KLF12: variants seen among roughly 807,000 people sequenced by gnomAD.
KLF12 encodes the protein KLF transcription factor 12, also known as Krueppel-like factor 12.
In KLF12, 9 loss-of-function variants were observed where a neutral mutation model predicts 37.8. That is an observed-to-expected ratio of 0.24 (90% confidence interval 0.14 to 0.42). The LOEUF (loss-of-function observed/expected upper bound fraction) is 0.42. KLF12 is among the 10% of genes least tolerant of loss of function. The probability of loss-of-function intolerance (pLI) is 1.00; values close to 1 mark genes in which losing one functional copy is unlikely to be tolerated. For missense variants in KLF12, 411 were observed against 516.0 expected (o/e 0.80, Z 1.97); for synonymous variants, 208 against 202.1 (o/e 1.03, Z -0.25).
At chr13:74,221,233 C>A in the KLF12 span, among the ~76,000 whole-genome samples, 1 of 152,170 alleles carries the variant, frequency 6.6e-6, no homozygotes, top group East Asian at 1.9e-4. Context: ...GTCTCGATCT[C>A]CTGACCTCGT....
At chr13:74,001,425 C>A (rs998313667) in intron 1 of KLF12, among the ~76,000 whole-genome samples, 13 of 152,178 alleles carry the variant, frequency 8.5e-5, no homozygotes, top group Admixed American at 5.9e-4. Flanking sequence ...CTAAGAATTT[C>A]TCTACTACTT....
At chr13:74,011,758 T>G (rs2138369331) in intron 1 of KLF12, among the ~76,000 whole-genome samples, 1 of 152,344 alleles carries the variant, frequency 6.6e-6, no homozygotes, top group East Asian at 1.9e-4. Context: ...TATGCCATTT[T>G]ATATCAGGGA....
At chr13:74,225,825 A>G in the KLF12 span, among the ~76,000 whole-genome samples, 1 of 152,202 alleles carries the variant, frequency 6.6e-6, no homozygotes, top group Non-Finnish European at 1.5e-5. Flanking sequence ...GTCTTGAAGG[A>G]TGAAAAGATG....
In KLF12 at chr13:73,942,955, T is replaced by C. The variant is rs148972408; in HGVS notation, c.123+1026A>G. 1.3e-3 allele frequency among the ~76,000 whole-genome samples: 201 copies of C among 152,332 alleles called. 2 individuals are homozygous for C. The highest frequency in any genetic ancestry group is 4.7e-3 in the African/African-American group (195 of 41,582). On this transcript the variant is annotated intron_variant, in intron 3 of 7. Transcript: ENST00000377669. ...TGAAGAGACCCTCTAAATACTACCA[T>C]CTGGATCCATAACCTTGAATGTTCT...
intron 3 of KLF12, among the ~76,000 whole-genome samples, chr13:73,849,101 T>A (rs1349891214): frequency 6.6e-6 from 1 of 152,042 alleles, no homozygotes; most frequent in Non-Finnish European, 1.5e-5. Flanking sequence ...ACTGCAAAAA[T>A]ATGGTCTCAA....
intron 3 of KLF12, among the ~76,000 whole-genome samples, chr13:73,926,368 A>T (rs986987183): frequency 1.3e-5 from 2 of 152,192 alleles, no homozygotes; most frequent in Admixed American, 1.3e-4. Flanking sequence ...AGTCCAGATG[A>T]TCGTTAGCAT....
intron 7 of KLF12, among the ~76,000 whole-genome samples, chr13:73,712,125 G>A (rs1875443594): frequency 1.3e-5 from 2 of 152,076 alleles, no homozygotes; most frequent in South Asian, 2.1e-4. Context: ...GATCACCTGA[G>A]GTCGGGAGTT....
chr13:74,057,548 T>C (rs1348659721), intron 1 of KLF12, among the ~76,000 whole-genome samples: 3 of 152,152 alleles, frequency 2.0e-5, no homozygotes, highest in Non-Finnish European at 2.9e-5. Context: ...AAAAGACAAT[T>C]TTGACCATAT....
chr13:74,031,548 G>T (rs529327502), intron 1 of KLF12, among the ~76,000 whole-genome samples: 5 of 152,046 alleles, frequency 3.3e-5, no homozygotes, highest in African/African-American at 1.2e-4. Context: ...ATTTTAAAAA[G>T]ATGTGATTTA....
chr13:73,957,932 G>A (rs1219733551), intron 2 of KLF12, among the ~76,000 whole-genome samples: 3 of 152,156 alleles, frequency 2.0e-5, no homozygotes, highest in South Asian at 2.1e-4. Context: ...CTAGAAGATC[G>A]TACTGTTGAT....
chr13:74,129,933 C>T (rs1878169921), intron 1 of KLF12, among the ~76,000 whole-genome samples: 1 of 152,218 alleles, frequency 6.6e-6, no homozygotes, highest in African/African-American at 2.4e-5. Flanking sequence ...CAATAGCTGA[C>T]ATCAGATGGG....
intron 4 of KLF12, among the ~76,000 whole-genome samples, chr13:73,816,166 T>G (rs1883204168): frequency 6.6e-6 from 1 of 152,214 alleles, no homozygotes; most frequent in Non-Finnish European, 1.5e-5. Context: ...ACTTGCATAA[T>G]TCCACTCTAT....
chr13:74,105,232 T>C (rs1273107666), intron 1 of KLF12, among the ~76,000 whole-genome samples: 6 of 152,220 alleles, frequency 3.9e-5, no homozygotes, highest in African/African-American at 1.2e-4. Context: ...AAAGGAAATA[T>C]TGACTTAGCA....
chr13:73,701,795 C>T (rs902247551), intron 7 of KLF12, among the ~76,000 whole-genome samples: 22 of 152,004 alleles, frequency 1.4e-4, no homozygotes, highest in African/African-American at 5.1e-4. Flanking sequence ...GGGATGGTCT[C>T]TATGTCCCAT....
the KLF12 span, among the ~76,000 whole-genome samples, chr13:74,276,806 G>A: frequency 3.3e-5 from 5 of 152,148 alleles, no homozygotes; most frequent in Admixed American, 3.3e-4. Flanking sequence ...CTTGAACCTA[G>A]TCTTTTGTTC....
At chr13:73,849,375 T>TAAAAAAA (rs574332239) in intron 3 of KLF12, among the ~76,000 whole-genome samples, 9 of 98,966 alleles carry the variant, frequency 9.1e-5, no homozygotes, top group African/African-American at 4.3e-4. Flanking sequence ...GGAGACTCCA[T>TAAAAAAA]AAAAAAAAAA....
At chr13:74,054,117 G>A (rs969310451) in intron 1 of KLF12, among the ~76,000 whole-genome samples, 2 of 152,018 alleles carry the variant, frequency 1.3e-5, no homozygotes, top group Non-Finnish European at 2.9e-5. Context: ...ATCTTCAATA[G>A]GTATTTCATA....
At chr13:74,262,852 C>CATAT in the KLF12 span, among the ~76,000 whole-genome samples, 1 of 151,766 alleles carries the variant, frequency 6.6e-6, no homozygotes, top group African/African-American at 2.4e-5. Flanking sequence ...TATGTACACA[C>CATAT]ATATATATAT....
At chr13:73,934,940 A>T (rs1889855562) in intron 3 of KLF12, among the ~76,000 whole-genome samples, 1 of 135,248 alleles carries the variant, frequency 7.4e-6, no homozygotes, top group African/African-American at 2.7e-5. Flanking sequence ...TTTATTTTGG[A>T]TAGGTTTTTA....
Sources: gnomAD v4.1 joint callset for allele counts (sites outside exome capture counted in the v4.1 genomes callset) on GRCh38, gnomAD v4.1.1 for gene constraint, MANE v1.5 for transcripts, NCBI Gene and HGNC (gene_info 2026-07-23, HGNC 2026-07-21) for gene names.